Variants in RBFOX2 observed in about 807,000 individuals in gnomAD.
RBFOX2 encodes the protein RNA binding fox-1 homolog 2, also known as RNA binding protein fox-1 homolog 2.
RBFOX2 carries 10 observed loss-of-function variants against 49.1 expected under a neutral mutation model. The ratio of observed to expected loss-of-function variants is 0.20; its 90% confidence interval spans 0.13 to 0.35. RBFOX2 has a LOEUF of 0.35. Ranked by LOEUF, RBFOX2 falls within the 10% of genes least tolerant of loss-of-function variation. The pLI, the probability that RBFOX2 is intolerant of heterozygous loss-of-function variation, is 1.00. For missense variants in RBFOX2, 323 were observed against 486.9 expected (o/e 0.66, Z 3.17); for synonymous variants, 183 against 187.4 (o/e 0.98, Z 0.19).
Position 35,745,848 on chromosome 22 carries a change from C to T in RBFOX2, c.1049+75G>A, listed in dbSNP as rs1296195093. On this transcript the variant is annotated intron_variant, in intron 11 of 11. Coordinates refer to ENST00000405409, the Ensembl canonical transcript of RBFOX2. ...ATGAAAGGCTGAATTTACTACCTCC[C>T]TAGATCTTCTGTAGTCTACGGGTAA... The T allele has an allele frequency of 4.9e-6, 7 of 1,437,798 alleles. No homozygotes were observed. The East Asian group carries it at 1.4e-4, about 28-fold the overall frequency. 89.1% of individuals were successfully genotyped at this position (1,437,798 alleles called of 1,614,324 possible). A position where few individuals can be genotyped will look rare whatever the true frequency, so the allele number is the denominator to read the frequency against.
chr22:35,908,628 T>G (rs1211794731), intron 1 of RBFOX2, among the ~76,000 whole-genome samples: 1 of 152,202 alleles, frequency 6.6e-6, no homozygotes, highest in Non-Finnish European at 1.5e-5. Flanking sequence ...CATTCTAAGT[T>G]GTGGATGGTT....
intron 1 of RBFOX2, among the ~76,000 whole-genome samples, chr22:36,022,057 G>A (rs2059265015): frequency 1.3e-5 from 2 of 152,170 alleles, no homozygotes; most frequent in African/African-American, 4.8e-5. Context: ...TGCCTTTGAA[G>A]GAAGTGCACA....
chr22:35,938,873 G>A, exon 1 of RBFOX2: 1 of 1,613,916 alleles, frequency 6.2e-7, no homozygotes, highest in Non-Finnish European at 8.5e-7. Context: ...GGGAATCCAT[G>A]ATAACCTGGA....
chr22:35,811,556 A>C (rs1269119632), intron 1 of RBFOX2, among the ~76,000 whole-genome samples: 1 of 152,182 alleles, frequency 6.6e-6, no homozygotes, highest in African/African-American at 2.4e-5. Flanking sequence ...ATACATTGCT[A>C]TATTGTTATG....
chr22:35,811,441 A>G (rs1908431120), intron 1 of RBFOX2, among the ~76,000 whole-genome samples: 1 of 152,204 alleles, frequency 6.6e-6, no homozygotes, highest in South Asian at 2.1e-4. Flanking sequence ...GCCCATGTGA[A>G]GACACAGAGC....
At chr22:35,876,144 G>A (rs1293002276) in intron 1 of RBFOX2, among the ~76,000 whole-genome samples, 5 of 152,220 alleles carry the variant, frequency 3.3e-5, no homozygotes, top group East Asian at 1.9e-4. Context: ...ATGAATGAAC[G>A]GGCTAAATAT....
chr22:35,853,075 C>T (rs1358418883), intron 1 of RBFOX2, among the ~76,000 whole-genome samples: 1 of 152,008 alleles, frequency 6.6e-6, no homozygotes, highest in Non-Finnish European at 1.5e-5. Flanking sequence ...GAGCGGATCA[C>T]CTAAGGTCAG....
intron 1 of RBFOX2, among the ~76,000 whole-genome samples, chr22:35,990,141 C>A (rs2057910553): frequency 6.6e-6 from 1 of 152,136 alleles, no homozygotes; most frequent in South Asian, 2.1e-4. Flanking sequence ...AGAGATCGTG[C>A]CACTGCACTC....
chr22:36,001,512 G>A (rs887169928), intron 1 of RBFOX2, among the ~76,000 whole-genome samples: 3 of 152,232 alleles, frequency 2.0e-5, no homozygotes, highest in African/African-American at 7.2e-5. Context: ...TGTAATCCTA[G>A]TACTTTGAGA....
At chr22:35,835,220 T>C (rs1035637322) in intron 1 of RBFOX2, among the ~76,000 whole-genome samples, 1 of 152,182 alleles carries the variant, frequency 6.6e-6, no homozygotes, top group African/African-American at 2.4e-5. Flanking sequence ...TGAGGAATTA[T>C]GACTTCGGAA....
chr22:35,814,544 A>G (rs1048581960), intron 1 of RBFOX2, among the ~76,000 whole-genome samples: 6 of 151,138 alleles, frequency 4.0e-5, no homozygotes, highest in Non-Finnish European at 7.4e-5. Context: ...TCCTGTCTCC[A>G]CAAAAAATTT....
chr22:35,954,817 A>G (rs1030846550), intron 1 of RBFOX2, among the ~76,000 whole-genome samples: 4 of 152,078 alleles, frequency 2.6e-5, no homozygotes, highest in African/African-American at 7.2e-5. Flanking sequence ...AAACAAATAC[A>G]ATATGAACCA....
At chr22:36,025,623 A>G (rs2059403052) in intron 1 of RBFOX2, among the ~76,000 whole-genome samples, 1 of 152,108 alleles carries the variant, frequency 6.6e-6, no homozygotes, top group Non-Finnish European at 1.5e-5. Flanking sequence ...ATACTCTCAC[A>G]CTTCTTTAAA....
intron 1 of RBFOX2, among the ~76,000 whole-genome samples, chr22:35,860,545 G>A (rs922427561): frequency 6.6e-6 from 1 of 152,214 alleles, no homozygotes; most frequent in Non-Finnish European, 1.5e-5. Flanking sequence ...CAATTTCATT[G>A]CATAACATGA....
rs564399244 is a variant in RBFOX2 at position 35,759,581 on chromosome 22, G to A, written c.887+307C>T. 5.3e-5 allele frequency among the ~76,000 whole-genome samples: 8 copies of A among 152,198 alleles called. No individual in the cohort carries two copies. The highest frequency in any genetic ancestry group is 1.9e-4 in the East Asian group (1 of 5,174). On this transcript the variant is annotated intron_variant, in intron 9 of 11. Coordinates refer to ENST00000405409, the Ensembl canonical transcript of RBFOX2. The surrounding 1 kb of genome is among the most constrained non-coding windows in gnomAD (Gnocchi z 4.6). The stretch of plus-strand genomic sequence containing the variant: ...CAGTAATGTTAATCCATATTCGTGC[G>A]CTTCTGAGTGAACTTCATGCCAACA...
Position 35,936,237 on chromosome 22 carries a change from CA to C in RBFOX2, c.-34+2609del, listed in dbSNP as rs58153258. Among the ~76,000 whole-genome samples, 1,023 of 64,518 alleles carry C rather than the reference CA, an allele frequency of 0.016. 32 individuals carry two copies. In the East Asian group the frequency reaches 0.17, roughly 11 times the overall value. The allele number at this position is 64,518 out of a possible 152,430, so 42.3% of individuals were successfully genotyped here. A position where few individuals can be genotyped will look rare whatever the true frequency, so the allele number is the denominator to read the frequency against. ...AAAAACCAAACCAAACCAACAACAA[CA>C]AAAAAAAAAAAAAAAAAAAGGGAAA... On this transcript the variant is annotated intron_variant, in intron 1 of 13. Transcript: ENST00000359369.
rs563925771 is a variant in RBFOX2, at chr22:35,745,691, A to G, written c.1049+232T>C. Among the ~76,000 whole-genome samples the G allele has an allele frequency of 2.0e-4, 31 of 152,344 alleles. No homozygotes were observed. In the South Asian group the frequency reaches 6.0e-3, roughly 29 times the overall value. ...CGCAAATCATGCCACTACTCGGGGC[A>G]TATTATCAATGATCATTCCTTTCTG... On this transcript the variant is annotated intron_variant, in intron 11 of 11. Transcript: ENST00000405409.
At chr22:35,775,218 G>A (rs1162205087) in intron 4 of RBFOX2, among the ~76,000 whole-genome samples, 1 of 152,122 alleles carries the variant, frequency 6.6e-6, no homozygotes, top group Non-Finnish European at 1.5e-5. Flanking sequence ...TCTCTATTAG[G>A]AGCCTCAGAA....
intron 9 of RBFOX2, chr22:35,750,445 T>C (rs1184318653): frequency 1.9e-6 from 3 of 1,603,556 alleles, no homozygotes; most frequent in Non-Finnish European, 1.7e-6. Context: ...CTGAAGCAGT[T>C]TGCAGATTCT....
Sources: allele counts gnomAD v4.1 joint callset (sites outside exome capture counted in the v4.1 genomes callset), GRCh38; gene constraint gnomAD v4.1.1; non-coding constraint Gnocchi (gnomAD v3.1); transcripts MANE v1.5; gene names NCBI Gene and HGNC (gene_info 2026-07-23, HGNC 2026-07-21).